SLC38A7: variants seen among roughly 807,000 people sequenced by gnomAD.
The protein encoded by SLC38A7 is solute carrier family 38 member 7.
SLC38A7 carries 29 observed loss-of-function variants against 50.1 expected under a neutral mutation model. The ratio of observed to expected loss-of-function variants is 0.58; its 90% confidence interval spans 0.43 to 0.79. SLC38A7 has a LOEUF of 0.79. SLC38A7 is among the 30% of genes least tolerant of loss of function. SLC38A7 has a pLI of 0.00. For synonymous variants in SLC38A7, 244 were observed against 245.9 expected (o/e 0.99, Z 0.07); for missense variants, 483 against 610.6 (o/e 0.79, Z 2.20).
At chr16:58,677,302 G>C in intron 6 of SLC38A7, 24 bp downstream of exon 6, 1 of 1,604,616 alleles carries the variant, frequency 6.2e-7, no homozygotes, top group Non-Finnish European at 8.5e-7. Context: ...TCTTCCCCAT[G>C]TCTCCTAGGG....
intron 11 of SLC38A7, 39 bp downstream of exon 11, chr16:58,670,074 C>A (rs1301160788): frequency 1.2e-6 from 2 of 1,604,372 alleles, no homozygotes; most frequent in Non-Finnish European, 1.7e-6. Context: ...TCCAATCCAG[C>A]ACCTCCCTGA....
chr16:58,669,670 T>TA (rs146027322), intron 11 of SLC38A7, among the ~76,000 whole-genome samples: 273 of 147,740 alleles, frequency 1.8e-3, no homozygotes, highest in African/African-American at 5.7e-3. Flanking sequence ...TTAAAAGTAT[T>TA]AAAAAAAAAA....
intron 2 of SLC38A7, among the ~76,000 whole-genome samples, chr16:58,683,026 G>GC (rs1158493823): frequency 6.7e-6 from 1 of 149,840 alleles, no homozygotes. Flanking sequence ...CACGTGACAA[G>GC]CCCCCCACGC....
In SLC38A7 at chr16:58,678,042, C is replaced by G. The variant is rs1033159199; in HGVS notation, c.611+291G>C. On this transcript the variant is annotated intron_variant, in intron 5 of 11. Transcript: ENST00000219320. The surrounding 1 kb of genome is among the most constrained non-coding windows in gnomAD (Gnocchi z 4.0). ...AGGGAATGCCAGGAGGCTGCCTTCA[C>G]CGCCCAGATACCACCTGTTCCTTCT... Among the ~76,000 whole-genome samples the G allele has an allele frequency of 2.0e-5, 3 of 152,144 alleles. No individual in the cohort carries two copies. The highest frequency in any genetic ancestry group is 4.4e-5 in the Non-Finnish European group (3 of 68,032).
rs1469847658 is a variant in SLC38A7, at chr16:58,676,012, G to T, written c.811C>A (p.Pro271Thr). ...ACTCCACCCCAGGTCTTCACTTCAGGCTGCTGCATGCTGTTGAAGACGGGC... is the reference window on the plus strand; with the variant it reads ...ACTCCACCCCAGGTCTTCACTTCAGTCTGCTGCATGCTGTTGAAGACGGGC... The part of the protein sequence containing the change: ...SVPVFNSMQQ[P>T]EVKTWGGVVT... Residue 271 changes from proline to threonine, a missense_variant, in exon 8 of 12, where the codon CCT (proline) becomes ACT (threonine). Physicochemically the swap from Pro to Thr is conservative, Grantham distance 38. Transcript: ENST00000219320. 6.2e-7 allele frequency: 1 copy of T among 1,613,722 alleles called. No individual in the cohort carries two copies. Among genetic ancestry groups the T allele is most frequent in the South Asian group, 1.1e-5 (1 of 90,994 alleles).
At position 58,676,333 on chromosome 16, in the gene SLC38A7, T is replaced by C. The variant is rs776188670; in HGVS notation, c.724A>G (p.Met242Val). 6.2e-7 allele frequency: 1 copy of C among 1,614,112 alleles called. No homozygotes were observed. Among genetic ancestry groups the C allele is most frequent in the Non-Finnish European group, 8.5e-7 (1 of 1,180,020 alleles). Reference protein sequence around the residue: ...GNILTRPASWMAVFNAMPTIC... With the variant: ...GNILTRPASWVAVFNAMPTIC... ...GTGGGCATGGCATTGAACACAGCCATCCAGGAAGCCGGCCTGTGAACAAAC... is the reference window on the plus strand; with the variant it reads ...GTGGGCATGGCATTGAACACAGCCACCCAGGAAGCCGGCCTGTGAACAAAC... Residue 242 changes from methionine to valine, a missense_variant, in exon 7 of 12, where the codon ATG (methionine) becomes GTG (valine). Met to Val is a conservative substitution (Grantham distance 21). Coordinates refer to ENST00000219320, the MANE Select transcript of SLC38A7 (RefSeq NM_018231.3).
At position 58,667,103 on chromosome 16, in the gene SLC38A7, C is replaced by A; in HGVS notation, c.*282G>T. ...ACCGACTCTCTTCACCCGTGGATTCCAGGCATGGAGAAGTTGAGAACTGGG... is the reference window on the plus strand; with the variant it reads ...ACCGACTCTCTTCACCCGTGGATTCAAGGCATGGAGAAGTTGAGAACTGGG... On this transcript the variant is annotated 3_prime_UTR_variant, in exon 12 of 12. Coordinates refer to ENST00000219320, the MANE Select transcript of SLC38A7 (RefSeq NM_018231.3). 2.0e-6 allele frequency: 1 copy of A among 504,750 alleles called. No homozygotes were observed. Among genetic ancestry groups the A allele is most frequent in the Admixed American group, 3.5e-5 (1 of 28,844 alleles). 31.3% of individuals were successfully genotyped at this position (504,750 alleles called of 1,614,324 possible). A position where few individuals can be genotyped will look rare whatever the true frequency, so the allele number is the denominator to read the frequency against.
At chr16:58,679,159 A>T (rs1468714954) in intron 3 of SLC38A7, among the ~76,000 whole-genome samples, 1 of 152,226 alleles carries the variant, frequency 6.6e-6, no homozygotes, top group Non-Finnish European at 1.5e-5. Flanking sequence ...TGGGAGGCTG[A>T]GGCAGGAGGA....
At chr16:58,673,139 C>T (rs1255135943) in intron 8 of SLC38A7, among the ~76,000 whole-genome samples, 1 of 132,846 alleles carries the variant, frequency 7.5e-6, no homozygotes, top group Non-Finnish European at 1.5e-5. Flanking sequence ...CTGTCATGCC[C>T]AGGCTGGAGT....
rs772305597 is a variant in SLC38A7, at chr16:58,675,908, A to G, written c.883+32T>C. 4 of 1,524,322 alleles carry G rather than the reference A, an allele frequency of 2.6e-6. No homozygotes were observed. In the African/African-American group the frequency reaches 5.3e-5, roughly 20 times the overall value. The allele number at this position is 1,524,322 out of a possible 1,614,324, so 94.4% of individuals were successfully genotyped here. ...ACTCCTGTGGAAGTGAGAGCACTCT[A>G]GTCCCAGGTCTTGGGGGGGGGGAGC... On this transcript the variant is annotated intron_variant, in intron 8 of 11. Coordinates refer to ENST00000219320, the MANE Select transcript of SLC38A7 (RefSeq NM_018231.3).
At chr16:58,684,275 A>C (rs1195007962) in intron 1 of SLC38A7, 97 bp from the exon 2 acceptor site, 1 of 152,432 alleles carries the variant, frequency 6.6e-6, no homozygotes, top group Non-Finnish European at 1.5e-5. Context: ...TGATGCCCAC[A>C]TGCTCAGGCC....
At chr16:58,670,592 G>A (rs16960359) in intron 10 of SLC38A7, among the ~76,000 whole-genome samples, 19,685 of 152,244 alleles carry the variant, frequency 0.13, 1,608 homozygotes, top group East Asian at 0.42. Context: ...GGGATCTGGC[G>A]GTAGATCTGT....
rs1414611652 is a variant in SLC38A7, at chr16:58,671,121, C to A, written c.1155G>T (p.Ala385=). The A allele has an allele frequency of 1.9e-6, 3 of 1,613,908 alleles. No homozygotes were observed. The highest frequency in any genetic ancestry group is 2.2e-5 in the South Asian group (2 of 91,074). ...LVWFLLTLLL[A]LFIPDIGKVI... is the part of the protein sequence containing the mutation. ...CCTTGCCGATGTCAGGGATGAAGAG[C>A]GCCAGCAGCAGGGTGAGCAGGAACC... Residue 385 remains alanine, a synonymous_variant, in exon 10 of 12, where the codon GCG becomes GCT. Transcript: ENST00000219320.
rs1356082868 is a variant in SLC38A7 at position 58,667,481 on chromosome 16, C to G, written c.1293G>C (p.Trp431Cys). Reference protein sequence around the residue: ...EMEEVKPASWWVLVSYGVLLV... With the variant: ...EMEEVKPASWCVLVSYGVLLV... ...AGAGGACTCCGTAGCTGACCAGCACCCACCAGCTGTAGAACAGAGGGTGAG... is the reference window on the plus strand; with the variant it reads ...AGAGGACTCCGTAGCTGACCAGCACGCACCAGCTGTAGAACAGAGGGTGAG... Residue 431 changes from tryptophan to cysteine, a missense_variant, in exon 12 of 12, where the codon TGG (tryptophan) becomes TGC (cysteine). Trp to Cys is a radical substitution (Grantham distance 215). Transcript: ENST00000219320. The G allele has an allele frequency of 1.2e-6, 2 of 1,608,948 alleles. No individual in the cohort carries two copies. Among genetic ancestry groups the G allele is most frequent in the South Asian group, 1.1e-5 (1 of 90,296 alleles).
At chr16:58,677,475 G>T (rs1178658360) in intron 5 of SLC38A7, 51 bp from the exon 6 acceptor site, 1 of 1,522,938 alleles carries the variant, frequency 6.6e-7, no homozygotes, top group Non-Finnish European at 9.1e-7. Flanking sequence ...CCTCTTATCT[G>T]ATTCCACCCC....
chr16:58,669,086 T>TA (rs2044106327), intron 11 of SLC38A7, among the ~76,000 whole-genome samples: 1 of 145,852 alleles, frequency 6.9e-6, no homozygotes, highest in Non-Finnish European at 1.5e-5. Context: ...TTTTCTTTTT[T>TA]AGACATGTTT....
intron 2 of SLC38A7, 53 bp from the exon 3 acceptor site, chr16:58,680,294 GGACAAAAAGGT>G: frequency 1.4e-6 from 1 of 701,052 alleles, no homozygotes; most frequent in East Asian, 3.2e-5. Flanking sequence ...GGGAACTAGG[GGACAAAAAGGT>G]GTAATAACTT....
At chr16:58,673,633 G>A (rs994158681) in intron 8 of SLC38A7, among the ~76,000 whole-genome samples, 2 of 151,130 alleles carry the variant, frequency 1.3e-5, no homozygotes, top group African/African-American at 2.4e-5. Flanking sequence ...CAAAGTGCTG[G>A]GATCACAGGC....
In SLC38A7 at chr16:58,676,316, G is replaced by C. The variant is rs2044265149; in HGVS notation, c.741C>G (p.Ala247=). 6.2e-7 allele frequency: 1 copy of C among 1,614,072 alleles called. No homozygotes were observed. Among genetic ancestry groups the C allele is most frequent in the African/African-American group, 1.3e-5 (1 of 74,936 alleles). The change falls in exon 7 of 12, where the codon GCC becomes GCG. Residue 247 remains alanine (A), a synonymous_variant. Coordinates refer to ENST00000219320, the MANE Select transcript of SLC38A7 (RefSeq NM_018231.3). ...RPASWMAVFN[A]MPTICFGFQC... ...GAAATCCGAAGCAGATGGTGGGCAT[G>C]GCATTGAACACAGCCATCCAGGAAG...
Sources: gnomAD v4.1 joint callset for allele counts (sites outside exome capture counted in the v4.1 genomes callset) on GRCh38, gnomAD v4.1.1 for gene constraint, Gnocchi (gnomAD v3.1) non-coding constraint, MANE v1.5 for transcripts, NCBI Gene and HGNC (gene_info 2026-07-23, HGNC 2026-07-21) for gene names.